The following NDUFAF7 variants were observed in gnomAD, a reference collection of about 807,000 sequenced individuals.
The protein encoded by NDUFAF7 is protein arginine methyltransferase NDUFAF7, mitochondrial.
In NDUFAF7, 48 loss-of-function variants were observed where a neutral mutation model predicts 47.2. The ratio of observed to expected loss-of-function variants is 1.02; its 90% confidence interval spans 0.81 to 1.29. The LOEUF (loss-of-function observed/expected upper bound fraction) is 1.29, where lower values mean the gene tolerates loss of function less well. Among genes scored for constraint, NDUFAF7 ranks in the 50% most tolerant of loss-of-function variants. The probability of loss-of-function intolerance (pLI) is 0.00; values close to 1 mark genes in which losing one functional copy is unlikely to be tolerated. For missense variants in NDUFAF7, 635 were observed against 537.6 expected, an observed-to-expected ratio of 1.18 and a Z score of -1.79; for synonymous variants, 217 against 190.0, an observed-to-expected ratio of 1.14 and a Z score of -1.17.
At chr2:37,261,032 C>G in the NDUFAF7 span, among the ~76,000 whole-genome samples, 1 of 152,188 alleles carries the variant, frequency 6.6e-6, no homozygotes, top group African/African-American at 2.4e-5. Flanking sequence ...TGAAGTCAGC[C>G]TTGCTCAAAC....
downstream of NDUFAF7, chr2:37,256,732 A>G (rs764232307): frequency 1.2e-5 from 19 of 1,591,902 alleles, no homozygotes; most frequent in African/African-American, 2.2e-4. Context: ...GGTCATTTAT[A>G]TCTTCATCCT....
At chr2:37,242,199 C>A (rs1044198555) in intron 5 of NDUFAF7, 1 of 256,054 alleles carries the variant, frequency 3.9e-6, no homozygotes, top group Non-Finnish European at 7.5e-6. Context: ...GGGGGAAAAT[C>A]CCTGTACTAG....
At chr2:37,237,696 TGTG>T (rs2148402902) in intron 3 of NDUFAF7, 58 bp from the exon 4 acceptor site, 5 of 1,267,692 alleles carry the variant, frequency 3.9e-6, no homozygotes, top group South Asian at 1.3e-5. Flanking sequence ...AATTTTATAT[TGTG>T]GTATACTTTT....
In NDUFAF7 at chr2:37,242,700, A is replaced by AG. The variant is rs863224093; in HGVS notation, c.681+13dup. 1.3e-6 allele frequency: 2 copies of AG among 1,587,242 alleles called. No individual in the cohort carries two copies. Among genetic ancestry groups the AG allele is most frequent in the South Asian group, 1.1e-5 (1 of 90,474 alleles). On this transcript the variant is annotated splice_region_variant and intron_variant, in intron 6 of 9. Coordinates refer to ENST00000002125, the MANE Select transcript of NDUFAF7 (RefSeq NM_144736.5). The stretch of plus-strand genomic sequence containing the variant: ...TCCTGTGCATAAATTTCAGGTATTG[A>AG]GGGGGGAAAAAAGTCATGTCTATAA...
At chr2:37,237,700 G>A in intron 3 of NDUFAF7, 57 bp from the exon 4 acceptor site, 3 of 1,291,822 alleles carry the variant, frequency 2.3e-6, no homozygotes, top group African/African-American at 3.0e-5. Context: ...TTATATTGTG[G>A]TATACTTTTA....
In NDUFAF7 at chr2:37,247,482, T is replaced by C; in HGVS notation, c.963T>C (p.Asp321=). 6.2e-7 allele frequency: 1 copy of C among 1,614,076 alleles called. No homozygotes were observed. The highest frequency in any genetic ancestry group is 8.5e-7 in the Non-Finnish European group (1 of 1,179,958). The change falls in exon 9 of 10, where the codon GAT becomes GAC. Residue 321 remains aspartate (D), a synonymous_variant. Coordinates refer to ENST00000002125, the MANE Select transcript of NDUFAF7 (RefSeq NM_144736.5). ...GGTTTTGCGACCACAAGCTTCATGA[T>C]GTCTTAATTGCCCCAGGAACAGCAG... ...FRGFCDHKLH[D]VLIAPGTADL...
chr2:37,259,202 G>A, the NDUFAF7 span, among the ~76,000 whole-genome samples: 2 of 152,168 alleles, frequency 1.3e-5, no homozygotes, highest in Admixed American at 6.6e-5. Flanking sequence ...CATAGAAAAA[G>A]GAGGTGGCTG....
the NDUFAF7 span, chr2:37,267,305 C>T: frequency 4.7e-3 from 2,641 of 556,128 alleles, 12 homozygotes; most frequent in Non-Finnish European, 4.7e-3. Context: ...TATTGGCAGT[C>T]CCTATAATGC....
At chr2:37,242,741 A>G (rs950852731) in intron 6 of NDUFAF7, 48 bp downstream of exon 6, 5 of 1,368,736 alleles carry the variant, frequency 3.7e-6, no homozygotes, top group Non-Finnish European at 5.2e-6. Context: ...TACAAAAGGC[A>G]TTGTGTTGCC....
chr2:37,235,991 C>A, intron 2 of NDUFAF7, 105 bp from the exon 3 acceptor site: 2 of 1,017,588 alleles, frequency 2.0e-6, no homozygotes, highest in Non-Finnish European at 3.1e-6. Flanking sequence ...AACTTTCTTA[C>A]TAAATAATTA....
At position 37,232,232 on chromosome 2, in the gene NDUFAF7, A is replaced by C. The variant is rs745386472; in HGVS notation, c.182A>C (p.Glu61Ala). ...TCTACTGGTCCCATCACTGTGGCCG[A>C]GTACATGAAGGAGGTGTTGACTAAT... is the stretch of plus-strand genomic sequence containing the variant. ...IKSTGPITVAEYMKEVLTNPA... is the reference protein window; with the variant it reads ...IKSTGPITVAAYMKEVLTNPA... Residue 61 changes from glutamate (E) to alanine (A), a missense_variant, in exon 2 of 10, where the codon GAG (glutamate) becomes GCG (alanine). Coordinates refer to ENST00000002125, the MANE Select transcript of NDUFAF7 (RefSeq NM_144736.5). 1 of 1,613,478 alleles carries C rather than the reference A, an allele frequency of 6.2e-7. No individual in the cohort carries two copies. Among genetic ancestry groups the C allele is most frequent in the African/African-American group, 1.3e-5 (1 of 74,912 alleles).
intron 8 of NDUFAF7, 100 bp from the exon 9 acceptor site, chr2:37,247,356 C>T (rs1277229487): frequency 2.1e-6 from 3 of 1,399,580 alleles, no homozygotes; most frequent in Non-Finnish European, 2.0e-6. Context: ...ATTCCGTCAC[C>T]TCAAGCATTA....
At chr2:37,260,728 T>C in the NDUFAF7 span, among the ~76,000 whole-genome samples, 3 of 152,234 alleles carry the variant, frequency 2.0e-5, no homozygotes, top group Non-Finnish European at 4.4e-5. Context: ...CATAAATTTT[T>C]AGTCAATTAC....
chr2:37,251,071 A>G (rs1667450351), downstream of NDUFAF7: 1 of 152,624 alleles, frequency 6.6e-6, no homozygotes, highest in Non-Finnish European at 1.5e-5. Flanking sequence ...TTCACCTTAC[A>G]TAGTAAAACC....
At chr2:37,240,367 A>C (rs1431958554) in intron 4 of NDUFAF7, among the ~76,000 whole-genome samples, 4 of 151,940 alleles carry the variant, frequency 2.6e-5, no homozygotes, top group Non-Finnish European at 4.4e-5. Context: ...GTGAGCTGTG[A>C]TTATGCCTCT....
chr2:37,269,225 G>GTT, the NDUFAF7 span: 5 of 209,046 alleles, frequency 2.4e-5, no homozygotes, highest in Admixed American at 2.6e-4. Context: ...AGACTTAATA[G>GTT]AACAATCATG....
At chr2:37,255,155 C>G (rs996006544), downstream of NDUFAF7, among the ~76,000 whole-genome samples, 4 of 152,318 alleles carry the variant, frequency 2.6e-5, no homozygotes, top group African/African-American at 9.6e-5. Context: ...TCTGAGATAA[C>G]ACTGGTTAAC....
chr2:37,251,994 T>A (rs923700519), downstream of NDUFAF7: 4 of 152,180 alleles, frequency 2.6e-5, no homozygotes, highest in East Asian at 1.9e-4. Flanking sequence ...AAATATTTTT[T>A]AAATAGCTGG....
chr2:37,236,130 AAGG>A lies in NDUFAF7; in HGVS notation c.254_256del (p.Gly85del), dbSNP rs1665726887. 4 of 1,613,430 alleles carry A rather than the reference AAGG, an allele frequency of 2.5e-6. No homozygotes were observed. Among genetic ancestry groups the A allele is most frequent in the Admixed American group, 1.7e-5 (1 of 60,022 alleles). ...GTGTACCGTGACATGCTAGGCGAAA[AAGG>A]AGATTTCATTACTTCACCTGAAATA... On this transcript the variant is annotated inframe_deletion, in exon 3 of 10. Transcript: ENST00000002125.
Sources: allele counts gnomAD v4.1 joint callset (sites outside exome capture counted in the v4.1 genomes callset), GRCh38; gene constraint gnomAD v4.1.1; transcripts MANE v1.5; gene names NCBI Gene and HGNC (gene_info 2026-07-23, HGNC 2026-07-21).